Variants in MTIF2 observed in about 807,000 individuals in gnomAD.
The protein encoded by MTIF2 is mitochondrial translational initiation factor 2.
In MTIF2, 71 loss-of-function variants were observed where a neutral mutation model predicts 83.5. That is an observed-to-expected ratio of 0.85 (90% confidence interval 0.70 to 1.04). The LOEUF (loss-of-function observed/expected upper bound fraction) is 1.04. Ranked by LOEUF, MTIF2 falls within the 50% of genes least tolerant of loss-of-function variation. The probability of loss-of-function intolerance (pLI) is 0.00; values close to 1 mark genes in which losing one functional copy is unlikely to be tolerated. For synonymous variants in MTIF2, 319 were observed against 287.1 expected (o/e 1.11, Z -1.12); for missense variants, 957 against 846.5 (o/e 1.13, Z -1.62).
chr2:55,249,464 C>G lies in MTIF2; in HGVS notation c.912G>C (p.Leu304=). 1 of 1,614,162 alleles carries G rather than the reference C, an allele frequency of 6.2e-7. No individual in the cohort carries two copies. The highest frequency in any genetic ancestry group is 1.7e-4 in the Middle Eastern group (1 of 6,060). ...CTTCACATACCACATCGTAAGCCAGCAGCTCTTTTTTCACTTTCTCAGGAT... is the reference window on the plus strand; with the variant it reads ...CTTCACATACCACATCGTAAGCCAGGAGCTCTTTTTTCACTTTCTCAGGAT... The part of the protein sequence containing the change: ...EADPEKVKKE[L]LAYDVVCEDY... Residue 304 remains leucine, a synonymous_variant, in exon 9 of 16, where the codon CTG becomes CTC. Coordinates refer to ENST00000263629, the MANE Select transcript of MTIF2 (RefSeq NM_002453.3).
chr2:55,241,727 CAGCTACTCGGG>C (rs1162739021), intron 13 of MTIF2, among the ~76,000 whole-genome samples: 1 of 152,052 alleles, frequency 6.6e-6, no homozygotes, highest in Non-Finnish European at 1.5e-5. Context: ...CCTATAATCC[CAGCTACTCGGG>C]AAGCTGGGGC....
At chr2:55,262,177 G>A (rs1678054059) in intron 5 of MTIF2, 139 bp downstream of exon 5, 7 of 654,642 alleles carry the variant, frequency 1.1e-5, no homozygotes, top group Non-Finnish European at 1.9e-5. Flanking sequence ...GACTTAAAGT[G>A]AAGAATATTA....
chr2:55,237,546 GAAA>G (rs1399863160), intron 14 of MTIF2, 118 bp from the exon 15 acceptor site: 4 of 905,246 alleles, frequency 4.4e-6, no homozygotes, highest in Non-Finnish European at 4.5e-6. Flanking sequence ...TTCATGCCTA[GAAA>G]AAAGTCTGGG....
intron 12 of MTIF2, 97 bp downstream of exon 12, chr2:55,243,319 G>A (rs1177465843): frequency 1.6e-6 from 2 of 1,239,310 alleles, no homozygotes; most frequent in East Asian, 4.9e-5. Flanking sequence ...CTAAAATATT[G>A]AAATAATTTT....
intron 10 of MTIF2, among the ~76,000 whole-genome samples, chr2:55,244,759 A>C (rs1190959766): frequency 6.6e-6 from 1 of 152,096 alleles, no homozygotes; most frequent in Non-Finnish European, 1.5e-5. Flanking sequence ...AATTAAAAAA[A>C]AAATAGGCTA....
Position 55,236,828 on chromosome 2 carries a change from A to AAGAT in MTIF2, c.2012-12_2012-9dup. 2 of 1,565,170 alleles carry AAGAT rather than the reference A, an allele frequency of 1.3e-6. No homozygotes were observed. Among genetic ancestry groups the AAGAT allele is most frequent in the Non-Finnish European group, 1.7e-6 (2 of 1,160,304 alleles). On this transcript the variant is annotated splice_polypyrimidine_tract_variant and intron_variant, in intron 15 of 15. Coordinates refer to ENST00000263629, the MANE Select transcript of MTIF2 (RefSeq NM_002453.3). The stretch of plus-strand genomic sequence containing the variant: ...TCAATGAGGTTAATGAGCCTTAAAA[A>AAGAT]AGATAATTTAAGGTTAGTATATTCA...
At chr2:55,243,361 T>C (rs1676460497) in intron 12 of MTIF2, 55 bp downstream of exon 12, 1 of 1,472,886 alleles carries the variant, frequency 6.8e-7, no homozygotes. Flanking sequence ...ACTATGAGAA[T>C]AAAAAAACAT....
At chr2:55,244,345 C>T (rs1676540100) in intron 10 of MTIF2, 112 bp from the exon 11 acceptor site, 1 of 817,516 alleles carries the variant, frequency 1.2e-6, no homozygotes, top group Non-Finnish European at 1.9e-6. Flanking sequence ...AGATTAATTC[C>T]ACCACTTCTT....
Position 55,249,395 on chromosome 2 carries a change from CG to C in MTIF2, c.980del (p.Thr327ArgfsTer5). The C allele has an allele frequency of 6.2e-7, 1 of 1,613,770 alleles. No individual in the cohort carries two copies. Among genetic ancestry groups the C allele is most frequent in the Non-Finnish European group, 8.5e-7 (1 of 1,179,858 alleles). Reference protein sequence around the residue: ...DVQAVPVSALTGDNLMALAEA... With the variant: ...DVQAVPVSALXGDNLMALAEA... ...ATTTATATGAGGTCCCCGCATTTAC[CG>C]TAAGTGCGGAGACAGGCACTGCTTG... On this transcript the variant is annotated frameshift_variant and splice_region_variant, in exon 9 of 16. Coordinates refer to ENST00000263629, the MANE Select transcript of MTIF2 (RefSeq NM_002453.3). LOFTEE classifies it high-confidence loss of function.
chr2:55,244,726 G>A (rs1032912734), intron 10 of MTIF2, among the ~76,000 whole-genome samples: 1 of 151,808 alleles, frequency 6.6e-6, no homozygotes, highest in African/African-American at 2.4e-5. Flanking sequence ...ACCAGCTAGG[G>A]CAACATAGCA....
chr2:55,241,064 G>C (rs185093814), intron 13 of MTIF2, among the ~76,000 whole-genome samples: 2 of 151,594 alleles, frequency 1.3e-5, no homozygotes, highest in Admixed American at 6.6e-5. Flanking sequence ...ATATTTAACT[G>C]TAAATACTTT....
chr2:55,261,941 C>CAAAAAAAAAAAAAAAAAAAA (rs5831348), intron 5 of MTIF2, among the ~76,000 whole-genome samples: 3 of 87,130 alleles, frequency 3.4e-5, no homozygotes, highest in African/African-American at 3.9e-5. Context: ...AAAAAAAAAC[C>CAAAAAAAAAAAAAAAAAAAA]AAAAAAAAAA....
intron 5 of MTIF2, among the ~76,000 whole-genome samples, chr2:55,255,893 T>G (rs554885998): frequency 2.6e-5 from 4 of 151,834 alleles, no homozygotes; most frequent in Admixed American, 6.6e-5. Context: ...TCTTTTTTTT[T>G]GGGACAGAGT....
intron 4 of MTIF2, 118 bp from the exon 5 acceptor site, chr2:55,262,545 T>C (rs532583912): frequency 4.1e-5 from 23 of 562,474 alleles, no homozygotes; most frequent in Admixed American, 2.1e-4. Flanking sequence ...TTTTTTCTTT[T>C]TTTTTTTTTT....
At chr2:55,251,628 G>A (rs974028009) in intron 8 of MTIF2, among the ~76,000 whole-genome samples, 2 of 152,144 alleles carry the variant, frequency 1.3e-5, no homozygotes, top group Non-Finnish European at 2.9e-5. Context: ...TACCGAATGT[G>A]TAACTTTTTT....
chr2:55,251,343 AAAAAG>A (rs943340384), intron 8 of MTIF2, among the ~76,000 whole-genome samples: 6 of 152,174 alleles, frequency 3.9e-5, no homozygotes, highest in African/African-American at 9.7e-5. Context: ...TTGAGGAATT[AAAAAG>A]AAAAGAGAAT....
intron 5 of MTIF2, among the ~76,000 whole-genome samples, chr2:55,261,434 C>T (rs1170910888): frequency 6.6e-6 from 1 of 151,018 alleles, no homozygotes; most frequent in Non-Finnish European, 1.5e-5. Context: ...GGTGAAACCC[C>T]GTCTCTACTA....
At chr2:55,240,287 T>G in intron 13 of MTIF2, 112 bp from the exon 14 acceptor site, 1 of 1,081,112 alleles carries the variant, frequency 9.2e-7, no homozygotes, top group Non-Finnish European at 1.3e-6. Context: ...TAAATTAAAA[T>G]AGCAAATAAG....
intron 12 of MTIF2, 117 bp downstream of exon 12, chr2:55,243,299 A>G: frequency 1.7e-6 from 2 of 1,176,624 alleles, no homozygotes; most frequent in Non-Finnish European, 2.3e-6. Flanking sequence ...GTTGACTAAG[A>G]AAAACTCTCC....
Sources: allele counts gnomAD v4.1 joint callset (sites outside exome capture counted in the v4.1 genomes callset), GRCh38; gene constraint gnomAD v4.1.1; transcripts MANE v1.5; gene names NCBI Gene and HGNC (gene_info 2026-07-23, HGNC 2026-07-21).